The following ALK variants were observed in gnomAD, a reference collection of about 807,000 sequenced individuals.
ALK encodes ALK receptor tyrosine kinase.
ALK carries 74 observed loss-of-function variants against 163.1 expected under a neutral mutation model. The observed-to-expected ratio is 0.45, with a 90% confidence interval of 0.38 to 0.55. The LOEUF (loss-of-function observed/expected upper bound fraction) is 0.55, where lower values mean the gene tolerates loss of function less well. Among genes scored for constraint, ALK ranks in the 20% least tolerant of loss-of-function variants. ALK has a pLI of 0.00. For missense variants in ALK, 2,063 were observed against 2,105.3 expected (o/e 0.98, Z 0.39); for synonymous variants, 960 against 843.2 (o/e 1.14, Z -2.40).
intron 4 of ALK, among the ~76,000 whole-genome samples, chr2:29,495,682 GA>G (rs1214637903): frequency 3.9e-5 from 6 of 152,178 alleles, no homozygotes; most frequent in Admixed American, 6.5e-5. Flanking sequence ...GGAAACACAG[GA>G]AGTGACTTAC....
chr2:29,512,886 C>T (rs1573417441), intron 4 of ALK, among the ~76,000 whole-genome samples: 2 of 144,200 alleles, frequency 1.4e-5, no homozygotes, highest in Non-Finnish European at 3.0e-5. Context: ...CATGAGTGAA[C>T]TCCCATTCAC....
chr2:29,448,120 C>T (rs935545494), intron 4 of ALK, among the ~76,000 whole-genome samples: 4 of 152,162 alleles, frequency 2.6e-5, no homozygotes, highest in Non-Finnish European at 4.4e-5. Flanking sequence ...CAAAGCTATA[C>T]CATACTGACT....
chr2:29,880,066 G>T (rs1482917786), intron 1 of ALK, among the ~76,000 whole-genome samples: 1 of 152,202 alleles, frequency 6.6e-6, no homozygotes, highest in Non-Finnish European at 1.5e-5. Context: ...TCTGTTAGAG[G>T]CTGCTGTCTT....
rs143505908 is a variant in ALK at position 29,774,017 on chromosome 2, C to A, written c.668-56320G>T. On this transcript the variant is annotated intron_variant, in intron 1 of 28. Coordinates refer to ENST00000389048, the MANE Select transcript of ALK (RefSeq NM_004304.5). ...AAAAGATATAAATAAGACCCTTGCC[C>A]ATCGATGCTCAGAGCTGTTGCAGGC... 1.1e-3 allele frequency among the ~76,000 whole-genome samples: 163 copies of A among 152,296 alleles called. 1 individual carries two copies. The highest frequency in any genetic ancestry group is 1.1e-3 in the Non-Finnish European group (78 of 68,038).
chr2:29,624,646 C>G (rs897029446), intron 3 of ALK, among the ~76,000 whole-genome samples: 1 of 152,114 alleles, frequency 6.6e-6, no homozygotes, highest in Admixed American at 6.5e-5. Flanking sequence ...GGATGCTGGG[C>G]TTAATACTGG....
At chr2:29,416,979 C>CTTTTTTTTTTTTTTTTTTTTTTT in intron 4 of ALK, among the ~76,000 whole-genome samples, 1 of 77,664 alleles carries the variant, frequency 1.3e-5, no homozygotes, top group Non-Finnish European at 2.4e-5. Context: ...ATGTTTGATG[C>CTTTTTTTTTTTTTTTTTTTTTTT]TTTTTTTTTT....
At chr2:29,617,001 A>AGTGATATTCACCTGGTGAATATCTACT (rs1675865688) in intron 3 of ALK, among the ~76,000 whole-genome samples, 2 of 152,270 alleles carry the variant, frequency 1.3e-5, no homozygotes, top group Non-Finnish European at 1.5e-5. Context: ...GAATATGTAC[A>AGTGATATTCACCTGGTGAATATCTACT]GTGATATTCA....
intron 9 of ALK, among the ~76,000 whole-genome samples, chr2:29,289,438 C>A (rs1353035195): frequency 6.6e-6 from 1 of 152,192 alleles, no homozygotes; most frequent in African/African-American, 2.4e-5. Context: ...TCTGAGACCA[C>A]CATTTTCTCC....
In ALK at chr2:29,368,327, G is replaced by T. The variant is rs1429959803; in HGVS notation, c.1282+15405C>A. Among the ~76,000 whole-genome samples, 9 of 152,304 alleles carry T rather than the reference G, an allele frequency of 5.9e-5. No individual in the cohort carries two copies. In the East Asian group the frequency reaches 1.5e-3, roughly 26 times the overall value. On this transcript the variant is annotated intron_variant, in intron 5 of 28. Transcript: ENST00000389048. ...CACCCCACAAAATAACTTGTCAAAT[G>T]GTGGCTGTGTGACTTCCTTTCCAAT... is the stretch of plus-strand genomic sequence containing the variant.
chr2:29,532,123 A>G lies in ALK; in HGVS notation c.953-7T>C. The G allele has an allele frequency of 1.9e-6, 3 of 1,613,874 alleles. No homozygotes were observed. Among genetic ancestry groups the G allele is most frequent in the Non-Finnish European group, 2.5e-6 (3 of 1,179,904 alleles). On this transcript the variant is annotated splice_polypyrimidine_tract_variant and splice_region_variant and intron_variant, in intron 3 of 28. Transcript: ENST00000389048. ...TTGAGAAGGAGAAAGGAGCCTGGAA[A>G]GAGACAGGGAAAACGAATCTGCAGA...
In ALK at chr2:29,453,009, G is replaced by C. The variant is rs548833759; in HGVS notation, c.1155-69150C>G. On this transcript the variant is annotated intron_variant, in intron 4 of 28. Coordinates refer to ENST00000389048, the MANE Select transcript of ALK (RefSeq NM_004304.5). ...AGATACGATAATTAAATGCAATGCAGGAAACGGGATTGGCTCCTGAACTGG... is the reference window on the plus strand; with the variant it reads ...AGATACGATAATTAAATGCAATGCACGAAACGGGATTGGCTCCTGAACTGG... 6.6e-5 allele frequency among the ~76,000 whole-genome samples: 10 copies of C among 152,296 alleles called. No homozygotes were observed. In the East Asian group the frequency reaches 1.9e-3, roughly 29 times the overall value.
intron 1 of ALK, among the ~76,000 whole-genome samples, chr2:29,721,998 T>C (rs1028593087): frequency 1.3e-5 from 2 of 152,248 alleles, no homozygotes; most frequent in Non-Finnish European, 2.9e-5. Flanking sequence ...TGCAGATACA[T>C]TGAACAACTC....
chr2:29,853,732 AG>A (rs1312916931), intron 1 of ALK, among the ~76,000 whole-genome samples: 3 of 152,068 alleles, frequency 2.0e-5, no homozygotes, highest in Admixed American at 1.3e-4. Flanking sequence ...GAGACTTTGC[AG>A]GGTCAGCCCT....
chr2:29,808,249 G>A (rs1475826331), intron 1 of ALK, among the ~76,000 whole-genome samples: 3 of 152,192 alleles, frequency 2.0e-5, no homozygotes, highest in African/African-American at 4.8e-5. Flanking sequence ...GAACAAGGAT[G>A]TTGGTCCCAG....
chr2:29,297,108 C>T (rs575810901), intron 8 of ALK, 51 bp from the exon 9 acceptor site: 1 of 1,610,888 alleles, frequency 6.2e-7, no homozygotes, highest in South Asian at 1.1e-5. Flanking sequence ...TGAAAGGTCC[C>T]CTTTCTGGAA....
chr2:29,483,499 C>T (rs912771365), intron 4 of ALK, among the ~76,000 whole-genome samples: 1 of 152,234 alleles, frequency 6.6e-6, no homozygotes, highest in Non-Finnish European at 1.5e-5. Context: ...AGAGAATCCA[C>T]ATTTTAACAG....
At chr2:29,430,994 G>A (rs1670259056) in intron 4 of ALK, among the ~76,000 whole-genome samples, 1 of 151,110 alleles carries the variant, frequency 6.6e-6, no homozygotes. Context: ...GGCAAGGCGA[G>A]GCTTTTTTTT....
chr2:29,298,837 G>A (rs1403253213), intron 8 of ALK, among the ~76,000 whole-genome samples: 1 of 152,034 alleles, frequency 6.6e-6, no homozygotes, highest in African/African-American at 2.4e-5. Context: ...CGTTAGCCCA[G>A]CTCATTTTCT....
At chr2:29,323,917 C>A (rs1667156922) in intron 6 of ALK, among the ~76,000 whole-genome samples, 1 of 152,214 alleles carries the variant, frequency 6.6e-6, no homozygotes, top group African/African-American at 2.4e-5. Flanking sequence ...TCCTCTAACT[C>A]TTTACCACTC....
Sources: gnomAD v4.1 joint callset for allele counts (sites outside exome capture counted in the v4.1 genomes callset) on GRCh38, gnomAD v4.1.1 for gene constraint, MANE v1.5 for transcripts, NCBI Gene and HGNC (gene_info 2026-07-23, HGNC 2026-07-21) for gene names.